The following ZNF112 variants were observed in gnomAD, a reference collection of about 807,000 sequenced individuals.
ZNF112 encodes zinc finger protein 112.
In ZNF112, 37 loss-of-function variants were observed where a neutral mutation model predicts 77.7. The ratio of observed to expected loss-of-function variants is 0.48; its 90% confidence interval spans 0.37 to 0.63. ZNF112 has a LOEUF of 0.63. Among genes scored for constraint, ZNF112 ranks in the 20% least tolerant of loss-of-function variants. The probability of loss-of-function intolerance (pLI) is 0.00; values close to 1 mark genes in which losing one functional copy is unlikely to be tolerated. For missense variants in ZNF112, 950 were observed against 1,077.4 expected (o/e 0.88, Z 1.66); for synonymous variants, 333 against 363.6 (o/e 0.92, Z 0.96).
At position 44,349,981 on chromosome 19, in the gene ZNF112, TG is replaced by T. The variant is rs140308306; in HGVS notation, c.-4+6644del. Among the ~76,000 whole-genome samples the T allele has an allele frequency of 4.9e-3, 753 of 152,150 alleles. 4 individuals are homozygous for T. The highest frequency in any genetic ancestry group is 0.017 in the African/African-American group (727 of 41,554). ...GGAATCAATGCCAAGTTTGAGTGGT[TG>T]AATGGTTAGCCTCTAGGAACAGTCG... On this transcript the variant is annotated intron_variant, in intron 1 of 3. Transcript: ENST00000354340.
intron 1 of ZNF112, among the ~76,000 whole-genome samples, chr19:44,352,645 A>C (rs1970713888): frequency 6.6e-6 from 1 of 152,160 alleles, no homozygotes; most frequent in Non-Finnish European, 1.5e-5. Flanking sequence ...AGTATAGCAA[A>C]GTCAGAGAAT....
Position 44,329,603 on chromosome 19 carries a change from G to A in ZNF112, c.554C>T (p.Ser185Leu). Residue 185 changes from serine (S) to leucine (L), a missense_variant, in exon 4 of 4, where the codon TCA becomes TTA. Transcript: ENST00000354340. Reference sequence around the variant, plus strand: ...CTGACATCTACACTGATAATTATGTGACTCTTTCAGATACATTTTCCTCCA... The same window carrying A: ...CTGACATCTACACTGATAATTATGTAACTCTTTCAGATACATTTTCCTCCA... ...HSWRKMYLKESHNYQCRCQQI... is the reference protein window; with the variant it reads ...HSWRKMYLKELHNYQCRCQQI... The A allele has an allele frequency of 6.2e-7, 1 of 1,614,106 alleles. No individual in the cohort carries two copies. Among genetic ancestry groups the A allele is most frequent in the Non-Finnish European group, 8.5e-7 (1 of 1,180,018 alleles).
chr19:44,361,310 G>A (rs1243722195), upstream of ZNF112, among the ~76,000 whole-genome samples: 15 of 152,090 alleles, frequency 9.9e-5, no homozygotes, highest in Admixed American at 9.2e-4. Flanking sequence ...GTTGTGGGTG[G>A]TGATTATACA....
chr19:44,365,073 T>A (rs1475843195), intron 1 of ZNF112, among the ~76,000 whole-genome samples: 1 of 152,206 alleles, frequency 6.6e-6, no homozygotes, highest in African/African-American at 2.4e-5. Context: ...TTTAAATGTT[T>A]AGTAGAATCC....
At chr19:44,334,794 A>C (rs1970335651) in intron 3 of ZNF112, among the ~76,000 whole-genome samples, 1 of 152,154 alleles carries the variant, frequency 6.6e-6, no homozygotes, top group African/African-American at 2.4e-5. Flanking sequence ...AGGCTTGGGA[A>C]CCTCTGCCCA....
chr19:44,364,358 CTG>C (rs1970882791), intron 1 of ZNF112, among the ~76,000 whole-genome samples: 1 of 152,156 alleles, frequency 6.6e-6, no homozygotes, highest in South Asian at 2.1e-4. Flanking sequence ...TGTAAAGTAA[CTG>C]TTCAAATTTT....
chr19:44,329,903 T>C lies in ZNF112; in HGVS notation c.254A>G (p.Gln85Arg). Residue 85 changes from glutamine to arginine, a missense_variant, in exon 4 of 4, where the codon CAG (glutamine) becomes CGG (arginine). By Grantham distance (43) the Gln-to-Arg change is conservative. Coordinates refer to ENST00000354340, the MANE Select transcript of ZNF112 (RefSeq NM_013380.4). Reference protein sequence around the residue: ...RKNQQKMESIQEVTVSYFSPK... With the variant: ...RKNQQKMESIREVTVSYFSPK... ...GGAAAAGTAGCTTACTGTTACTTCC[T>C]GAATACTCTCCATCTTTTGTTGATT... 6.2e-7 allele frequency: 1 copy of C among 1,613,434 alleles called. No homozygotes were observed.
At chr19:44,336,797 A>T in intron 2 of ZNF112, 79 bp from the exon 3 acceptor site, 1 of 1,140,826 alleles carries the variant, frequency 8.8e-7, no homozygotes, top group Non-Finnish European at 1.3e-6. Flanking sequence ...AAAGGTATAC[A>T]CAGACAAGTG....
At chr19:44,333,926 G>A (rs1970317382) in intron 3 of ZNF112, among the ~76,000 whole-genome samples, 1 of 152,198 alleles carries the variant, frequency 6.6e-6, no homozygotes, top group Non-Finnish European at 1.5e-5. Context: ...GGCAGAGGTT[G>A]TAATAATTTG....
chr19:44,349,424 T>A (rs1052410749), intron 1 of ZNF112, among the ~76,000 whole-genome samples: 5 of 151,990 alleles, frequency 3.3e-5, no homozygotes, highest in Admixed American at 6.6e-5. Context: ...GGAGGTGAAA[T>A]ATTTTGTGAA....
intron 1 of ZNF112, among the ~76,000 whole-genome samples, chr19:44,353,278 A>T (rs2123210869): frequency 6.6e-6 from 1 of 152,260 alleles, no homozygotes; most frequent in African/African-American, 2.4e-5. Context: ...CACAGATTTA[A>T]GTGTAAAACC....
chr19:44,332,960 T>G (rs1262225439), intron 3 of ZNF112, among the ~76,000 whole-genome samples: 1 of 152,252 alleles, frequency 6.6e-6, no homozygotes, highest in Non-Finnish European at 1.5e-5. Flanking sequence ...TAAGTTCTAT[T>G]TCAATATCAA....
intron 1 of ZNF112, among the ~76,000 whole-genome samples, chr19:44,353,281 G>A (rs1318353997): frequency 6.6e-6 from 1 of 152,054 alleles, no homozygotes; most frequent in Non-Finnish European, 1.5e-5. Context: ...AGATTTAAGT[G>A]TAAAACCATA....
chr19:44,342,711 G>A (rs899413697), intron 1 of ZNF112, among the ~76,000 whole-genome samples: 6 of 151,862 alleles, frequency 4.0e-5, no homozygotes, highest in Admixed American at 2.6e-4. Flanking sequence ...AGCTACTCGG[G>A]AGGCTGAGGC....
rs776336796 is a variant in ZNF112, at chr19:44,328,779, T to C, written c.1378A>G (p.Thr460Ala). 3.1e-6 allele frequency: 5 copies of C among 1,614,116 alleles called. No homozygotes were observed. Among genetic ancestry groups the C allele is most frequent in the Non-Finnish European group, 4.2e-6 (5 of 1,179,986 alleles). Residue 460 changes from threonine to alanine, a missense_variant, in exon 4 of 4, where the codon ACT becomes GCT. By Grantham distance (58) the Thr-to-Ala change is moderately conservative. Coordinates refer to ENST00000354340, the MANE Select transcript of ZNF112 (RefSeq NM_013380.4). ...SHFQDLQIVH[T>A]KEQPYKRYVC... ...TAGCGTTTATATGGTTGTTCCTTAG[T>C]GTGGACTATCTGAAGGTCCTGAAAA... is the stretch of plus-strand genomic sequence containing the variant.
chr19:44,326,739 C>A lies in ZNF112; in HGVS notation c.*694G>T, dbSNP rs1582. ...TGTTTATCAGTTTGTACTGATATTT[C>A]AAGTGCACACATGGGTACATATACA... On this transcript the variant is annotated 3_prime_UTR_variant, in exon 4 of 4. Coordinates refer to ENST00000354340, the MANE Select transcript of ZNF112 (RefSeq NM_013380.4). The A allele has an allele frequency of 0.7, 107,052 of 152,006 alleles. 37,825 individuals carry two copies. Among genetic ancestry groups the A allele is most frequent in the Admixed American group, 0.77 (11,833 of 15,272 alleles). The allele number at this position is 152,006 out of a possible 1,614,324, so 9.4% of individuals were successfully genotyped here. A position where few individuals can be genotyped will look rare whatever the true frequency, so the allele number is the denominator to read the frequency against.
chr19:44,355,062 T>C (rs1234327828), intron 1 of ZNF112, among the ~76,000 whole-genome samples: 1 of 151,698 alleles, frequency 6.6e-6, no homozygotes, highest in African/African-American at 2.4e-5. Context: ...TTTAAAATAC[T>C]GAAACAAAAA....
In ZNF112 at chr19:44,328,081, A is replaced by G. The variant is rs1375816425; in HGVS notation, c.2076T>C (p.Cys692=). 6.2e-7 allele frequency: 1 copy of G among 1,613,800 alleles called. No homozygotes were observed. Among genetic ancestry groups the G allele is most frequent in the Admixed American group, 1.7e-5 (1 of 59,942 alleles). Residue 692 remains cysteine (C), a synonymous_variant, in exon 4 of 4, where the codon TGT becomes TGC. Coordinates refer to ENST00000354340, the MANE Select transcript of ZNF112 (RefSeq NM_013380.4). ...ATGATCTCTGACTGAAACTCTTACC[A>G]CACTCATCACATTGGTATGGCTTCT... is the stretch of plus-strand genomic sequence containing the variant. The part of the protein sequence containing the change: ...TGEKPYQCDE[C]GKSFSQRSYL...
intron 1 of ZNF112, among the ~76,000 whole-genome samples, chr19:44,342,609 G>A (rs1356273835): frequency 1.3e-5 from 2 of 152,072 alleles, no homozygotes; most frequent in East Asian, 3.9e-4. Flanking sequence ...GAGGTCAGGA[G>A]TTCAAGACCA....
Sources: gnomAD v4.1 joint callset for allele counts (sites outside exome capture counted in the v4.1 genomes callset) on GRCh38, gnomAD v4.1.1 for gene constraint, MANE v1.5 for transcripts, NCBI Gene and HGNC (gene_info 2026-07-23, HGNC 2026-07-21) for gene names.